PUM3: variants seen among roughly 807,000 people sequenced by gnomAD.
PUM3 encodes pumilio homolog 3.
In PUM3, 91 loss-of-function variants were observed where a neutral mutation model predicts 84.0. The ratio of observed to expected loss-of-function variants is 1.08; its 90% CI spans 0.91 to 1.29. The LOEUF is 1.29. Among genes scored for constraint, PUM3 ranks in the 50% most tolerant of loss-of-function variants. The pLI is 0.00. For missense variants in PUM3, 1,067 were observed against 767.5 expected, an observed-to-expected ratio of 1.39 and a Z score of -4.61; for synonymous variants, 321 against 266.7, an observed-to-expected ratio of 1.20 and a Z score of -1.98.
chr9:2,804,287 GA>G lies in PUM3; in HGVS notation c.*43del, dbSNP rs1312108592. On this transcript the variant is annotated 3_prime_UTR_variant, in exon 18 of 18. Transcript: ENST00000397885. ...CTTTTCTGCATTGGGAAACAGAACA[GA>G]GAACAGAAAAAATCATTCCATCTTG... 8 of 1,596,474 alleles carry G rather than the reference GA, an allele frequency of 5.0e-6. No homozygotes were observed. Among genetic ancestry groups the G allele is most frequent in the Non-Finnish European group, 6.8e-6 (8 of 1,171,632 alleles).
chr9:2,830,646 ACT>A (rs1815951005), intron 7 of PUM3, among the ~76,000 whole-genome samples: 1 of 152,316 alleles, frequency 6.6e-6, no homozygotes, highest in East Asian at 1.9e-4. Flanking sequence ...TCTGTTGCTC[ACT>A]CTGTCTTTAA....
At chr9:2,827,189 T>C in intron 9 of PUM3, 38 bp from the exon 10 acceptor site, 1 of 1,448,948 alleles carries the variant, frequency 6.9e-7, no homozygotes, top group South Asian at 1.2e-5. Context: ...ACACAACAGA[T>C]CTGGCACTAC....
chr9:2,826,148 G>T (rs1815814381), intron 10 of PUM3, among the ~76,000 whole-genome samples: 1 of 150,944 alleles, frequency 6.6e-6, no homozygotes, highest in South Asian at 2.1e-4. Flanking sequence ...TACCAGAAAA[G>T]ACAATTTGTC....
rs1821296005 is a variant in PUM3 at position 2,807,984 on chromosome 9, C to A, written c.1724-80G>T. The A allele has an allele frequency of 3.5e-6, 3 of 846,558 alleles. No individual in the cohort carries two copies. In the South Asian group the frequency reaches 4.9e-5, roughly 14 times the overall value. The allele number at this position is 846,558 out of a possible 1,614,324, so 52.4% of individuals were successfully genotyped here. On this transcript the variant is annotated intron_variant, in intron 16 of 17. Transcript: ENST00000397885. ...ACCCCCTTCTCTACTGCCCTTAAAT[C>A]TGCAAATATTTTTAAACAAAAAAGC...
At chr9:2,830,632 C>G (rs1815950659) in intron 7 of PUM3, among the ~76,000 whole-genome samples, 1 of 152,156 alleles carries the variant, frequency 6.6e-6, no homozygotes, top group South Asian at 2.1e-4. Flanking sequence ...TTCAAAAGTG[C>G]TTATCTGTTG....
chr9:2,821,443 C>CAAAAAAAAAAAAAAAAAAAAAAAAAAA (rs572752267), intron 12 of PUM3, among the ~76,000 whole-genome samples: 22 of 50,094 alleles, frequency 4.4e-4, no homozygotes, highest in African/African-American at 9.7e-4. Context: ...GACTCTGTCT[C>CAAAAAAAAAAAAAAAAAAAAAAAAAAA]AAAAAAAAAA....
chr9:2,805,980 A>C (rs190156678), intron 17 of PUM3, among the ~76,000 whole-genome samples: 46 of 152,300 alleles, frequency 3.0e-4, no homozygotes, highest in African/African-American at 1.0e-3. Context: ...AAATTTACAA[A>C]AACAATTTTT....
intron 13 of PUM3, among the ~76,000 whole-genome samples, chr9:2,817,869 A>C (rs1027488623): frequency 6.6e-6 from 1 of 152,054 alleles, no homozygotes; most frequent in Admixed American, 6.6e-5. Flanking sequence ...ATTCACCCTC[A>C]AACAGCAATT....
At chr9:2,816,063 G>C (rs558417909) in intron 13 of PUM3, among the ~76,000 whole-genome samples, 2 of 152,186 alleles carry the variant, frequency 1.3e-5, no homozygotes, top group African/African-American at 4.8e-5. Flanking sequence ...GGGTTAAGGC[G>C]TGTGCGTTTT....
intron 12 of PUM3, among the ~76,000 whole-genome samples, chr9:2,822,806 T>C (rs1815696885): frequency 6.7e-6 from 1 of 149,796 alleles, no homozygotes; most frequent in Admixed American, 6.7e-5. Flanking sequence ...ATATGAATAT[T>C]GAATTATGAA....
At chr9:2,811,817 A>G (rs1292136303) in intron 14 of PUM3, among the ~76,000 whole-genome samples, 1 of 150,506 alleles carries the variant, frequency 6.6e-6, no homozygotes, top group Non-Finnish European at 1.5e-5. Context: ...GGCTCAATAA[A>G]GGGAGTCTGA....
rs757145705 is a variant in PUM3, at chr9:2,838,407, C to A, written c.82+19G>T. On this transcript the variant is annotated intron_variant, in intron 2 of 17. Coordinates refer to ENST00000397885, the MANE Select transcript of PUM3 (RefSeq NM_014878.5). ...CCCAATTATAACAGCCAAACACCCA[C>A]ATGGGAAGCATATCTTACCACTATT... 1.1e-5 allele frequency: 17 copies of A among 1,549,416 alleles called. No homozygotes were observed. The highest frequency in any genetic ancestry group is 3.3e-5 in the Admixed American group (2 of 59,872).
rs905070473 is a variant in PUM3 at position 2,823,192 on chromosome 9, A to G, written c.1188+589T>C. 4.6e-5 allele frequency among the ~76,000 whole-genome samples: 7 copies of G among 152,200 alleles called. No homozygotes were observed. In the East Asian group the frequency reaches 1.3e-3, roughly 29 times the overall value. On this transcript the variant is annotated intron_variant, in intron 12 of 17. Coordinates refer to ENST00000397885, the MANE Select transcript of PUM3 (RefSeq NM_014878.5). ...AATTATTTAATAACTAAAAACATAT[A>G]AACACTATTTTTGAAGCAACAAATC...
chr9:2,827,038 A>G (rs373840206), intron 10 of PUM3, 35 bp downstream of exon 10: 6 of 1,540,070 alleles, frequency 3.9e-6, no homozygotes, highest in Middle Eastern at 1.7e-4. Flanking sequence ...CTCCTCCTCC[A>G]TGTTTTAGTT....
At chr9:2,811,337 G>C in intron 15 of PUM3, 24 bp downstream of exon 15, 1 of 1,608,060 alleles carries the variant, frequency 6.2e-7, no homozygotes, top group Non-Finnish European at 8.5e-7. Context: ...CAGCTTTCCT[G>C]CCTGTGCTTT....
chr9:2,824,805 T>G lies in PUM3; in HGVS notation c.1046A>C (p.Glu349Ala). 1 of 1,565,756 alleles carries G rather than the reference T, an allele frequency of 6.4e-7. No individual in the cohort carries two copies. The highest frequency in any genetic ancestry group is 1.7e-5 in the Admixed American group (1 of 57,240). Residue 349 changes from glutamate (E) to alanine (A), a missense_variant, in exon 11 of 18, where the codon GAA (glutamate) becomes GCA (alanine). Glu to Ala is a moderately radical substitution (Grantham distance 107). Transcript: ENST00000397885. ...GTAGACCACCGCTTCGCGGATGGCT[T>G]CAATCATTTCCTAGGGAACAAATGC... ...APPKLRSEMI[E>A]AIREAVVYLA...
intron 3 of PUM3, 93 bp from the exon 4 acceptor site, chr9:2,834,259 G>A: frequency 9.5e-7 from 1 of 1,054,552 alleles, no homozygotes; most frequent in Non-Finnish European, 1.4e-6. Flanking sequence ...CACTAATCAG[G>A]ATCAATGCTC....
Position 2,816,420 on chromosome 9 carries a change from TA to T in PUM3, c.1269+3597del, listed in dbSNP as rs1821471050. Among the ~76,000 whole-genome samples the T allele has an allele frequency of 2.0e-5, 3 of 152,064 alleles. 1 individual carries two copies. Among genetic ancestry groups the T allele is most frequent in the South Asian group, 4.1e-4 (2 of 4,832 alleles). ...CGCTGCTTCATTCAGTTTTGCAAAA[TA>T]AAAAAAGTCCTGGAGATTGCCTAAC... On this transcript the variant is annotated intron_variant, in intron 13 of 17. Coordinates refer to ENST00000397885, the MANE Select transcript of PUM3 (RefSeq NM_014878.5).
intron 16 of PUM3, 29 bp from the exon 17 acceptor site, chr9:2,807,933 A>G (rs914993380): frequency 2.2e-6 from 3 of 1,391,068 alleles, no homozygotes; most frequent in Non-Finnish European, 3.1e-6. Flanking sequence ...CTTAGTGAAC[A>G]TCACATAATA....
Sources: allele counts gnomAD v4.1 joint callset (sites outside exome capture counted in the v4.1 genomes callset), GRCh38; gene constraint gnomAD v4.1.1; transcripts MANE v1.5; gene names NCBI Gene and HGNC (gene_info 2026-07-23, HGNC 2026-07-21).